PRPSAP2: variants seen among roughly 807,000 people sequenced by gnomAD.
PRPSAP2 encodes phosphoribosyl pyrophosphate synthase-associated protein 2.
In PRPSAP2, 24 loss-of-function variants were observed where a neutral mutation model predicts 40.6. The observed-to-expected ratio is 0.59, with a 90% CI of 0.43 to 0.83. PRPSAP2 has a LOEUF of 0.83. PRPSAP2 is among the 40% of genes least tolerant of loss of function. PRPSAP2 has a pLI of 0.00. For missense variants in PRPSAP2, 292 were observed against 465.6 expected (o/e 0.63, Z 3.43); for synonymous variants, 149 against 164.7 (o/e 0.90, Z 0.73).
chr17:18,931,132 G>A lies in PRPSAP2; in HGVS notation c.*434G>A, dbSNP rs1239051319. The A allele has an allele frequency of 1.3e-5, 2 of 152,754 alleles. No homozygotes were observed. Among genetic ancestry groups the A allele is most frequent in the Non-Finnish European group, 2.9e-5 (2 of 68,494 alleles). The allele number at this position is 152,754 out of a possible 1,614,324, so 9.5% of individuals were successfully genotyped here. A position where few individuals can be genotyped will look rare whatever the true frequency, so the allele number is the denominator to read the frequency against. On this transcript the variant is annotated 3_prime_UTR_variant, in exon 12 of 12. Coordinates refer to ENST00000268835, the MANE Select transcript of PRPSAP2 (RefSeq NM_002767.4). ...TGACATTTTTAGAGATGCTTTTGTA[G>A]ACAAGCATATGGAATATGTGATTGT... is the stretch of plus-strand genomic sequence containing the variant.
intron 7 of PRPSAP2, among the ~76,000 whole-genome samples, chr17:18,886,624 C>T (rs2039164928): frequency 6.6e-6 from 1 of 152,108 alleles, no homozygotes; most frequent in Non-Finnish European, 1.5e-5. Context: ...TCCCAAAGTG[C>T]TGGGATTACA....
intron 6 of PRPSAP2, among the ~76,000 whole-genome samples, chr17:18,881,283 C>G (rs182471634): frequency 6.6e-6 from 1 of 150,868 alleles, no homozygotes; most frequent in East Asian, 2.0e-4. Context: ...TCACCCAGGT[C>G]GGAGTGAAGT....
At position 18,924,060 on chromosome 17, in the gene PRPSAP2, A is replaced by G. The variant is rs574920210; in HGVS notation, c.804+76A>G. On this transcript the variant is annotated intron_variant, in intron 10 of 11. Coordinates refer to ENST00000268835, the MANE Select transcript of PRPSAP2 (RefSeq NM_002767.4). ...GTTGATTGATTGATTGATTGATTTTATTACAGAGACTCACTGTCGCCCAGG... is the reference window on the plus strand; with the variant it reads ...GTTGATTGATTGATTGATTGATTTTGTTACAGAGACTCACTGTCGCCCAGG... 5.5e-5 allele frequency: 78 copies of G among 1,412,858 alleles called. 1 individual carries two copies. The South Asian group carries it at 9.1e-4, about 17-fold the overall frequency. 87.5% of individuals were successfully genotyped at this position (1,412,858 alleles called of 1,614,324 possible).
At position 18,914,249 on chromosome 17, in the gene PRPSAP2, C is replaced by CTTTTTT. The variant is rs60892883; in HGVS notation, c.733+3019_733+3024dup. 2.9e-4 allele frequency among the ~76,000 whole-genome samples: 14 copies of CTTTTTT among 48,086 alleles called. 1 individual carries two copies. Among genetic ancestry groups the CTTTTTT allele is most frequent in the African/African-American group, 1.2e-3 (12 of 10,332 alleles). The allele number at this position is 48,086 out of a possible 152,430, so 31.5% of individuals were successfully genotyped here. A position where few individuals can be genotyped will look rare whatever the true frequency, so the allele number is the denominator to read the frequency against. On this transcript the variant is annotated intron_variant, in intron 9 of 11. Coordinates refer to ENST00000268835, the MANE Select transcript of PRPSAP2 (RefSeq NM_002767.4). The stretch of plus-strand genomic sequence containing the variant: ...GAGTTCTGTCCTGAACATGTTTTTG[C>CTTTTTT]TTTTTTTTTTTTTTTTTTTTTTTTT...
chr17:18,917,721 G>T (rs571172438), intron 9 of PRPSAP2, among the ~76,000 whole-genome samples: 5 of 149,300 alleles, frequency 3.3e-5, no homozygotes, highest in Admixed American at 1.4e-4. Context: ...ACAGGCGCCC[G>T]GCCAAGATGA....
rs183782349 is a variant in PRPSAP2 at position 18,886,808 on chromosome 17, G to A, written c.529-3014G>A. Reference sequence around the variant, plus strand: ...TCATAAAGCATTTGATTGTTGCCTTGCAAGAAAATGTGGAATTGTATCATT... The same window carrying A: ...TCATAAAGCATTTGATTGTTGCCTTACAAGAAAATGTGGAATTGTATCATT... On this transcript the variant is annotated intron_variant, in intron 7 of 11. Coordinates refer to ENST00000268835, the MANE Select transcript of PRPSAP2 (RefSeq NM_002767.4). Among the ~76,000 whole-genome samples the A allele has an allele frequency of 1.9e-4, 29 of 151,786 alleles. No homozygotes were observed. In the East Asian group the frequency reaches 4.8e-3, roughly 25 times the overall value.
intron 4 of PRPSAP2, among the ~76,000 whole-genome samples, chr17:18,867,784 T>G (rs2037536869): frequency 6.6e-6 from 1 of 152,192 alleles, no homozygotes; most frequent in South Asian, 2.1e-4. Flanking sequence ...AGAAATACTT[T>G]TTGCTAATTG....
chr17:18,879,698 C>T (rs1003284704), intron 6 of PRPSAP2, among the ~76,000 whole-genome samples: 1 of 152,124 alleles, frequency 6.6e-6, no homozygotes, highest in Non-Finnish European at 1.5e-5. Context: ...AGGTGATCCA[C>T]CTTCCTCAGC....
chr17:18,917,572 ATTATTATTATTATTTTTTT>A (rs1457118489), intron 9 of PRPSAP2: 3 of 29,364 alleles, frequency 1.0e-4, no homozygotes, highest in African/African-American at 4.0e-4. Flanking sequence ...TATTATTATT[ATTATTATTATTATTTTTTT>A]TTTTTTTTTT....
intron 8 of PRPSAP2, among the ~76,000 whole-genome samples, chr17:18,892,895 T>C (rs900347026): frequency 1.3e-5 from 2 of 150,246 alleles, no homozygotes; most frequent in African/African-American, 4.9e-5. Flanking sequence ...CCACCATGCC[T>C]AGCTGTTGAG....
intron 9 of PRPSAP2, among the ~76,000 whole-genome samples, chr17:18,918,008 C>CAG (rs2041466949): frequency 6.6e-6 from 1 of 152,002 alleles, no homozygotes. Flanking sequence ...TTTTAGGTCA[C>CAG]AGAGGTATAT....
chr17:18,928,142 G>A (rs764546703), intron 10 of PRPSAP2: 6 of 154,808 alleles, frequency 3.9e-5, no homozygotes, highest in Non-Finnish European at 7.2e-5. Flanking sequence ...GTAATAATAT[G>A]TATGTAAAAT....
At chr17:18,877,618 AAC>A in intron 5 of PRPSAP2, 78 bp from the exon 6 acceptor site, 1 of 1,368,608 alleles carries the variant, frequency 7.3e-7, no homozygotes, top group Non-Finnish European at 1.0e-6. Context: ...AGGCATGAGT[AAC>A]ACACTGCTGA....
chr17:18,897,349 A>C (rs1436367886), intron 8 of PRPSAP2, among the ~76,000 whole-genome samples: 2 of 152,154 alleles, frequency 1.3e-5, no homozygotes, highest in Non-Finnish European at 2.9e-5. Flanking sequence ...GTTATGTAAA[A>C]GTTAATTTTT....
chr17:18,869,887 G>A (rs2037734772), intron 4 of PRPSAP2, among the ~76,000 whole-genome samples: 1 of 114,070 alleles, frequency 8.8e-6, no homozygotes, highest in Non-Finnish European at 1.8e-5. Context: ...TTGCTCCATT[G>A]CCCAGGCTGG....
chr17:18,885,291 C>G (rs2039049485), intron 7 of PRPSAP2, among the ~76,000 whole-genome samples: 1 of 150,194 alleles, frequency 6.7e-6, no homozygotes, highest in Admixed American at 6.8e-5. Context: ...GTCCCCCCTA[C>G]TCAAGAGGAT....
chr17:18,918,293 G>A (rs926773234), intron 9 of PRPSAP2, among the ~76,000 whole-genome samples: 3 of 152,140 alleles, frequency 2.0e-5, no homozygotes, highest in Non-Finnish European at 2.9e-5. Flanking sequence ...GAAAAAGAGC[G>A]ACAGCAAGAG....
At chr17:18,887,755 C>T (rs1248775221) in intron 7 of PRPSAP2, among the ~76,000 whole-genome samples, 1 of 151,914 alleles carries the variant, frequency 6.6e-6, no homozygotes, top group Non-Finnish European at 1.5e-5. Context: ...GTTAAGCCAG[C>T]CAGCTACTGG....
At chr17:18,881,247 T>G (rs1369475195) in intron 6 of PRPSAP2, among the ~76,000 whole-genome samples, 2 of 152,024 alleles carry the variant, frequency 1.3e-5, no homozygotes, top group Non-Finnish European at 2.9e-5. Context: ...TTTGTCTTTT[T>G]TTTTTTGAGA....
Sources: gnomAD v4.1 joint callset for allele counts (sites outside exome capture counted in the v4.1 genomes callset) on GRCh38, gnomAD v4.1.1 for gene constraint, MANE v1.5 for transcripts, NCBI Gene and HGNC (gene_info 2026-07-23, HGNC 2026-07-21) for gene names.